Variants in RIPOR3 observed in about 807,000 individuals in gnomAD.
RIPOR3 encodes the protein family with sequence similarity 65 member C.
RIPOR3 carries 95 observed loss-of-function variants against 114.3 expected under a neutral mutation model. The ratio of observed to expected loss-of-function variants is 0.83; its 90% CI spans 0.70 to 0.99. RIPOR3 has a LOEUF of 0.99. Among genes scored for constraint, RIPOR3 ranks in the 50% least tolerant of loss-of-function variants. The pLI is 0.00. For synonymous variants in RIPOR3, 575 were observed against 543.8 expected, an observed-to-expected ratio of 1.06 and a Z score of -0.80; for missense variants, 1,252 against 1,266.9, an observed-to-expected ratio of 0.99 and a Z score of 0.18.
chr20:50,680,449 G>GA (rs2086820922), intron 1 of RIPOR3, among the ~76,000 whole-genome samples: 1 of 152,222 alleles, frequency 6.6e-6, no homozygotes, highest in African/African-American at 2.4e-5. Flanking sequence ...TTGGTGTTGA[G>GA]AAAAGCTGTT....
rs2085020456 is a variant in RIPOR3, at chr20:50,637,273, G to A, written c.4-6417C>T. Reference sequence around the variant, plus strand: ...ACCCAAACTACTCCTCCCTGCCAAAGCACAGGCCTCAGCTGGAGCCCCCCT... The same window carrying A: ...ACCCAAACTACTCCTCCCTGCCAAAACACAGGCCTCAGCTGGAGCCCCCCT... On this transcript the variant is annotated intron_variant, in intron 1 of 21. Transcript: ENST00000327979. Among the ~76,000 whole-genome samples, 4 of 152,098 alleles carry A rather than the reference G, an allele frequency of 2.6e-5. No individual in the cohort carries two copies. The South Asian group carries it at 8.3e-4, about 32-fold the overall frequency.
chr20:50,649,533 A>G (rs1382376521), intron 1 of RIPOR3, among the ~76,000 whole-genome samples: 1 of 152,122 alleles, frequency 6.6e-6, no homozygotes, highest in Admixed American at 6.6e-5. Context: ...CCCTCTGGAG[A>G]GCATGGACCC....
intron 2 of RIPOR3, among the ~76,000 whole-genome samples, chr20:50,624,306 G>C (rs1178303023): frequency 6.6e-6 from 1 of 152,194 alleles, no homozygotes; most frequent in African/African-American, 2.4e-5. Context: ...CTCGGGAAAA[G>C]GCAGGTTTCT....
rs138147305 is a variant in RIPOR3 at position 50,618,684 on chromosome 20, G to T, written c.269+1302C>A. On this transcript the variant is annotated intron_variant, in intron 3 of 21. Transcript: ENST00000327979. The stretch of plus-strand genomic sequence containing the variant: ...ACTTTTCTTTTCTGTATTGTGTATT[G>T]TCTGTCTCTCCCCCACTAGGAGTCA... Among the ~76,000 whole-genome samples, 679 of 152,264 alleles carry T rather than the reference G, an allele frequency of 4.5e-3. 7 individuals are homozygous for T. Among genetic ancestry groups the T allele is most frequent in the African/African-American group, 0.015 (632 of 41,536 alleles).
chr20:50,642,905 G>A (rs1427988639), intron 1 of RIPOR3, among the ~76,000 whole-genome samples: 2 of 151,984 alleles, frequency 1.3e-5, no homozygotes, highest in Admixed American at 6.5e-5. Flanking sequence ...AAAATTAGCC[G>A]GGCGTAGTGG....
intron 4 of RIPOR3, among the ~76,000 whole-genome samples, chr20:50,615,671 T>C (rs1205212659): frequency 6.6e-6 from 1 of 152,116 alleles, no homozygotes; most frequent in Non-Finnish European, 1.5e-5. Context: ...CCTGACCCAC[T>C]TTCCTGGCAT....
At chr20:50,628,046 C>T (rs995350699) in intron 2 of RIPOR3, among the ~76,000 whole-genome samples, 1 of 152,244 alleles carries the variant, frequency 6.6e-6, no homozygotes, top group Non-Finnish European at 1.5e-5. Context: ...GCCTTGATTA[C>T]AGACCCCTGC....
chr20:50,665,280 T>TA (rs1225901268), intron 1 of RIPOR3, among the ~76,000 whole-genome samples: 1 of 92,836 alleles, frequency 1.1e-5, no homozygotes, highest in East Asian at 3.5e-4. Flanking sequence ...CTACTAAAAA[T>TA]ACCAAAAAAA....
intron 1 of RIPOR3, among the ~76,000 whole-genome samples, chr20:50,683,165 C>G (rs1253121941): frequency 6.6e-6 from 1 of 152,174 alleles, no homozygotes; most frequent in Non-Finnish European, 1.5e-5. Context: ...GTGATAAATT[C>G]TATCCACAAT....
chr20:50,677,978 C>T (rs773629464), intron 1 of RIPOR3, among the ~76,000 whole-genome samples: 3 of 152,088 alleles, frequency 2.0e-5, no homozygotes, highest in South Asian at 2.1e-4. Flanking sequence ...CCTTATTATT[C>T]GTCTTCTTAG....
intron 1 of RIPOR3, among the ~76,000 whole-genome samples, chr20:50,689,576 G>A (rs372203243): frequency 4.3e-4 from 66 of 152,298 alleles, no homozygotes; most frequent in African/African-American, 1.3e-3. Context: ...TGGAATCTCA[G>A]GGTTGCGGAG....
At chr20:50,659,258 G>C (rs745565185) in intron 1 of RIPOR3, among the ~76,000 whole-genome samples, 36 of 152,096 alleles carry the variant, frequency 2.4e-4, no homozygotes, top group Non-Finnish European at 3.1e-4. Context: ...CCGATTTCTT[G>C]GGGACAGTGA....
intron 13 of RIPOR3, among the ~76,000 whole-genome samples, chr20:50,598,645 G>C (rs2083386629): frequency 6.6e-6 from 1 of 152,134 alleles, no homozygotes; most frequent in South Asian, 2.1e-4. Flanking sequence ...ATTCTCAATA[G>C]TCAAGGTAGT....
chr20:50,608,777 G>A, intron 9 of RIPOR3, 39 bp from the exon 10 acceptor site: 1 of 1,612,912 alleles, frequency 6.2e-7, no homozygotes, highest in Non-Finnish European at 8.5e-7. Context: ...CAGCCCAGGT[G>A]GGTGTCCCCT....
intron 3 of RIPOR3, among the ~76,000 whole-genome samples, chr20:50,618,093 G>A (rs111701333): frequency 0.048 from 7,349 of 151,856 alleles, 539 homozygotes; most frequent in African/African-American, 0.17. Context: ...GTGAAACCAC[G>A]TTCTATTAAA....
At chr20:50,629,359 G>GT (rs1156784167) in intron 2 of RIPOR3, among the ~76,000 whole-genome samples, 1 of 152,174 alleles carries the variant, frequency 6.6e-6, no homozygotes, top group East Asian at 1.9e-4. Context: ...CCTTCAGGAT[G>GT]TCGATAAACT....
At chr20:50,617,484 A>G (rs896153459) in intron 3 of RIPOR3, among the ~76,000 whole-genome samples, 5 of 152,056 alleles carry the variant, frequency 3.3e-5, no homozygotes, top group African/African-American at 1.2e-4. Context: ...GGATTTTGCC[A>G]TATTCCCATG....
At chr20:50,592,909 C>A in intron 18 of RIPOR3, 126 bp downstream of exon 18, 1 of 1,226,086 alleles carries the variant, frequency 8.2e-7, no homozygotes, top group Non-Finnish European at 1.1e-6. Context: ...CTCATTAAAT[C>A]GGGGTTCCCA....
intron 1 of RIPOR3, among the ~76,000 whole-genome samples, chr20:50,665,489 C>T (rs907046889): frequency 3.1e-4 from 41 of 133,806 alleles, no homozygotes; most frequent in African/African-American, 9.4e-4. Flanking sequence ...GGTGTGATCT[C>T]GGCTCTCCGC....
Sources: allele counts gnomAD v4.1 joint callset (sites outside exome capture counted in the v4.1 genomes callset), GRCh38; gene constraint gnomAD v4.1.1; transcripts MANE v1.5; gene names NCBI Gene and HGNC (gene_info 2026-07-23, HGNC 2026-07-21).